The following KCNT1 variants were observed in gnomAD, a reference collection of about 807,000 sequenced individuals.
The protein encoded by KCNT1 is potassium channel subfamily T member 1.
In KCNT1, 78 loss-of-function variants were observed where a neutral mutation model predicts 147.8. The ratio of observed to expected loss-of-function variants is 0.53; its 90% CI spans 0.44 to 0.64. The LOEUF is 0.64. KCNT1 is among the 30% of genes least tolerant of loss of function. KCNT1 has a pLI of 0.00. For synonymous variants in KCNT1, 867 were observed against 748.8 expected, an observed-to-expected ratio of 1.16 and a Z score of -2.58; for missense variants, 1,419 against 1,750.3, an observed-to-expected ratio of 0.81 and a Z score of 3.38.
In KCNT1 at chr9:135,760,001, G is replaced by C. The variant is rs1158636060; in HGVS notation, c.1035+142G>C. 5.3e-6 allele frequency: 4 copies of C among 748,976 alleles called. No individual in the cohort carries two copies. The East Asian group carries it at 1.2e-4, about 22-fold the overall frequency. The allele number at this position is 748,976 out of a possible 1,614,324, so 46.4% of individuals were successfully genotyped here. On this transcript the variant is annotated intron_variant, in intron 11 of 30. Transcript: ENST00000371757. ...CAGTGAGGCCAGGCGGGTGGTGCCT[G>C]CTCCGTTGCACGCCCCCACTGAGGG... is the stretch of plus-strand genomic sequence containing the variant.
At position 135,763,815 on chromosome 9, in the gene KCNT1, T is replaced by C. The variant is rs547227213; in HGVS notation, c.1036-1216T>C. Among the ~76,000 whole-genome samples, 3 of 152,208 alleles carry C rather than the reference T, an allele frequency of 2.0e-5. No individual in the cohort carries two copies. The South Asian group carries it at 6.2e-4, about 32-fold the overall frequency. The stretch of plus-strand genomic sequence containing the variant: ...TTTTAGGGTCACTACGGAGCTGCCG[T>C]CATTAGCTCCTTCATCCTCACGGCG... On this transcript the variant is annotated intron_variant, in intron 11 of 30. Transcript: ENST00000371757.
chr9:135,726,715 CT>C (rs1836160175), intron 2 of KCNT1, among the ~76,000 whole-genome samples: 2 of 150,404 alleles, frequency 1.3e-5, no homozygotes, highest in African/African-American at 4.9e-5. Context: ...CTCCCTCTCT[CT>C]CTCTCACTCT....
At chr9:135,710,920 A>C (rs1181280468) in intron 1 of KCNT1, among the ~76,000 whole-genome samples, 1 of 152,028 alleles carries the variant, frequency 6.6e-6, no homozygotes, top group African/African-American at 2.4e-5. Context: ...TCTCTCAGGA[A>C]CGCTGTGCGC....
chr9:135,741,720 G>A (rs1202865121), intron 2 of KCNT1, among the ~76,000 whole-genome samples: 5 of 152,272 alleles, frequency 3.3e-5, no homozygotes, highest in African/African-American at 7.2e-5. Context: ...GCCGATGAGC[G>A]TGTGCCTGTG....
chr9:135,733,929 C>T (rs1217521752), intron 2 of KCNT1, among the ~76,000 whole-genome samples: 1 of 151,190 alleles, frequency 6.6e-6, no homozygotes, highest in Non-Finnish European at 1.5e-5. Context: ...TGCCTGTTCC[C>T]TCCCCCCAGC....
chr9:135,773,234 C>T (rs541286428), intron 19 of KCNT1, among the ~76,000 whole-genome samples: 5 of 152,248 alleles, frequency 3.3e-5, no homozygotes, highest in African/African-American at 4.8e-5. Flanking sequence ...CTAATTGGAG[C>T]GAGGCAGCTC....
chr9:135,784,391 T>G, intron 25 of KCNT1, 144 bp from the exon 26 acceptor site: 3 of 678,858 alleles, frequency 4.4e-6, no homozygotes, highest in Non-Finnish European at 7.8e-6. Flanking sequence ...ACCTGGTGGT[T>G]CTGTGTGTGT....
intron 2 of KCNT1, among the ~76,000 whole-genome samples, chr9:135,715,128 C>T (rs189177749): frequency 6.6e-6 from 1 of 152,334 alleles, no homozygotes; most frequent in East Asian, 1.9e-4. Flanking sequence ...GCTCAGGCAG[C>T]GGTCCTTGAT....
At chr9:135,748,627 G>T (rs11103157) in intron 2 of KCNT1, among the ~76,000 whole-genome samples, 10 of 152,102 alleles carry the variant, frequency 6.6e-5, no homozygotes, top group Non-Finnish European at 8.8e-5. Flanking sequence ...TACCTCCCCC[G>T]ACTTCTGGAC....
intron 29 of KCNT1, among the ~76,000 whole-genome samples, chr9:135,787,237 CCT>C (rs955678235): frequency 6.6e-5 from 10 of 152,356 alleles, no homozygotes; most frequent in Admixed American, 2.0e-4. Flanking sequence ...CGTGCAGCCC[CCT>C]CTCTCTGCGC....
Position 135,731,991 on chromosome 9 carries a change from T to TATATATAGAGAG in KCNT1, c.254+17272_254+17273insTATATAGAGAGA, listed in dbSNP as rs1276318460. ...ATATATATATATATATATATATATATAGAGAGAGAGAGAGAGAGAGAGAGA... is the reference window on the plus strand; with the variant it reads ...ATATATATATATATATATATATATATATATATAGAGAGAGAGAGAGAGAGAGAGAGAGAGAGA... On this transcript the variant is annotated intron_variant, in intron 2 of 30. Transcript: ENST00000371757. Among the ~76,000 whole-genome samples the TATATATAGAGAG allele has an allele frequency of 1.3e-3, 29 of 21,700 alleles. 1 individual carries two copies. Among genetic ancestry groups the TATATATAGAGAG allele is most frequent in the East Asian group, 2.3e-3 (1 of 434 alleles). 14.2% of individuals were successfully genotyped at this position (21,700 alleles called of 152,430 possible).
intron 11 of KCNT1, among the ~76,000 whole-genome samples, chr9:135,762,928 G>T (rs948295261): frequency 1.3e-5 from 2 of 152,252 alleles, no homozygotes; most frequent in Non-Finnish European, 2.9e-5. Context: ...CAGCCTGCAC[G>T]CAGAGGTGTC....
rs1431571662 is a variant in KCNT1, at chr9:135,714,471, G to C, written c.111-106G>C. On this transcript the variant is annotated intron_variant, in intron 1 of 30. Transcript: ENST00000371757. This position sits in a 1 kb window ranked among gnomAD's most constrained non-coding sequence, Gnocchi z 6.2. Reference sequence around the variant, plus strand: ...GCCGCCCGCCCGCCCGGTGGGTCGCGGTGGCCGCGGGCTGCGCTGCGCGGG... The same window carrying C: ...GCCGCCCGCCCGCCCGGTGGGTCGCCGTGGCCGCGGGCTGCGCTGCGCGGG... 1.3e-6 allele frequency: 1 copy of C among 789,932 alleles called. No individual in the cohort carries two copies. The highest frequency in any genetic ancestry group is 1.5e-6 in the Non-Finnish European group (1 of 654,742). The allele number at this position is 789,932 out of a possible 1,614,324, so 48.9% of individuals were successfully genotyped here.
At chr9:135,772,410 G>A (rs1301861165) in intron 18 of KCNT1, among the ~76,000 whole-genome samples, 1 of 152,140 alleles carries the variant, frequency 6.6e-6, no homozygotes, top group Non-Finnish European at 1.5e-5. Context: ...AGACCCCCGA[G>A]CCCAGAATCA....
intron 15 of KCNT1, 53 bp from the exon 16 acceptor site, chr9:135,769,894 G>C (rs1832627884): frequency 7.6e-7 from 1 of 1,321,868 alleles, no homozygotes; most frequent in Non-Finnish European, 1.1e-6. Context: ...TACTGTGGGG[G>C]AGGAGAGAGC....
chr9:135,714,588 C>A lies in KCNT1; in HGVS notation c.122C>A (p.Ala41Glu). Reference protein sequence around the residue: ...DGQCAPRRPCAGDGALLDTAG... With the variant: ...DGQCAPRRPCEGDGALLDTAG... Reference sequence around the variant, plus strand: ...GCGTGTGCCCGCAGGCGGCCCTGCGCGGGGGACGGCGCGCTCCTGGACACC... The same window carrying A: ...GCGTGTGCCCGCAGGCGGCCCTGCGAGGGGGACGGCGCGCTCCTGGACACC... The change falls in exon 2 of 31, where the codon GCG (alanine) becomes GAG (glutamate). Residue 41 changes from alanine (A) to glutamate (E), a missense_variant. By Grantham distance (107) the Ala-to-Glu change is moderately radical (BLOSUM62 -1). This residue lies in a region of KCNT1 where 181 missense variants were observed against 155.7 expected (regional missense o/e 1.16). Transcript: ENST00000371757. The surrounding 1 kb of genome is among the most constrained non-coding windows in gnomAD (Gnocchi z 6.2). 1 of 1,375,194 alleles carries A rather than the reference C, an allele frequency of 7.3e-7. No homozygotes were observed. Among genetic ancestry groups the A allele is most frequent in the Non-Finnish European group, 9.5e-7 (1 of 1,047,976 alleles). The allele number at this position is 1,375,194 out of a possible 1,614,324, so 85.2% of individuals were successfully genotyped here. A position where few individuals can be genotyped will look rare whatever the true frequency, so the allele number is the denominator to read the frequency against.
intron 13 of KCNT1, among the ~76,000 whole-genome samples, chr9:135,767,684 G>T (rs1469606578): frequency 2.0e-5 from 3 of 152,116 alleles, no homozygotes; most frequent in Non-Finnish European, 4.4e-5. Context: ...CACCGGGCCT[G>T]CTCCTGCCAA....
At chr9:135,724,595 C>T (rs933986502) in intron 2 of KCNT1, among the ~76,000 whole-genome samples, 3 of 152,252 alleles carry the variant, frequency 2.0e-5, no homozygotes, top group African/African-American at 7.2e-5. Context: ...AATACAAATA[C>T]AGGATGCCTG....
intron 2 of KCNT1, among the ~76,000 whole-genome samples, chr9:135,719,134 AG>A (rs1163460696): frequency 6.6e-6 from 1 of 152,186 alleles, no homozygotes; most frequent in African/African-American, 2.4e-5. Context: ...CTGGGAGTCC[AG>A]GGGCAACTGA....
Sources: allele counts gnomAD v4.1 joint callset (sites outside exome capture counted in the v4.1 genomes callset), GRCh38; gene constraint gnomAD v4.1.1; regional missense constraint gnomAD v4.1.1; non-coding constraint Gnocchi (gnomAD v3.1); transcripts MANE v1.5; gene names NCBI Gene and HGNC (gene_info 2026-07-23, HGNC 2026-07-21).